Variants in THSD7B observed in about 807,000 individuals in gnomAD.
THSD7B encodes thrombospondin type 1 domain containing 7B.
Under a neutral mutation model 213.6 loss-of-function variants are expected in THSD7B, and 138 were observed. The observed-to-expected ratio is 0.65, with a 90% confidence interval of 0.56 to 0.74. THSD7B has a LOEUF of 0.74. Among genes scored for constraint, THSD7B ranks in the 30% least tolerant of loss-of-function variants. THSD7B has a pLI of 0.00. For synonymous variants in THSD7B, 742 were observed against 687.0 expected, an observed-to-expected ratio of 1.08 and a Z score of -1.25; for missense variants, 1,931 against 1,991.5, an observed-to-expected ratio of 0.97 and a Z score of 0.58.
At chr2:137,445,514 A>G (rs1455905034) in intron 14 of THSD7B, among the ~76,000 whole-genome samples, 2 of 152,042 alleles carry the variant, frequency 1.3e-5, no homozygotes, top group African/African-American at 2.4e-5. Context: ...ACACAGAAAG[A>G]CAAATACTGT....
At chr2:136,912,748 TG>T (rs1268489415) in intron 2 of THSD7B, among the ~76,000 whole-genome samples, 4 of 152,202 alleles carry the variant, frequency 2.6e-5, no homozygotes, top group African/African-American at 9.6e-5. Context: ...CATTTTCTCT[TG>T]GTGCTGCCAT....
Position 137,411,641 on chromosome 2 carries a change from T to C in THSD7B, c.2728T>C (p.Ser910Pro). ...CAGAAAGAAGGAGAAATGCCAGGAT[T>C]CTGACCTTTACCCTCTAGTGGAGAC... is the stretch of plus-strand genomic sequence containing the variant. Reference protein sequence around the residue: ...KSRKKEKCQDSDLYPLVETEL... With the variant: ...KSRKKEKCQDPDLYPLVETEL... The change falls in exon 14 of 28, where the codon TCT (serine) becomes CCT (proline). Residue 910 changes from serine (S) to proline (P), a missense_variant. By Grantham distance (74) the Ser-to-Pro change is moderately conservative. Transcript: ENST00000409968. 6.2e-7 allele frequency: 1 copy of C among 1,613,702 alleles called. No homozygotes were observed. The highest frequency in any genetic ancestry group is 1.1e-5 in the South Asian group (1 of 91,066).
chr2:137,368,453 A>T (rs1304690024), intron 12 of THSD7B, among the ~76,000 whole-genome samples: 2 of 151,928 alleles, frequency 1.3e-5, no homozygotes, highest in Non-Finnish European at 2.9e-5. Context: ...ATGAGTAAGG[A>T]GGGTAGTAGT....
chr2:137,515,348 T>C (rs1680047973), intron 15 of THSD7B, among the ~76,000 whole-genome samples: 1 of 152,168 alleles, frequency 6.6e-6, no homozygotes, highest in South Asian at 2.1e-4. Flanking sequence ...TTGCACTGCC[T>C]GAGGCAATAA....
At chr2:136,830,900 A>G (rs1682743151) in intron 1 of THSD7B, among the ~76,000 whole-genome samples, 1 of 152,194 alleles carries the variant, frequency 6.6e-6, no homozygotes. Context: ...TAAGTGATCC[A>G]TAAATCCCCC....
chr2:137,312,699 A>G (rs1271476963), intron 12 of THSD7B, among the ~76,000 whole-genome samples: 2 of 146,410 alleles, frequency 1.4e-5, no homozygotes, highest in Non-Finnish European at 3.0e-5. Context: ...AGATTCTGGT[A>G]TGTTGTGTCT....
chr2:136,990,061 A>G (rs1448632888), intron 2 of THSD7B, among the ~76,000 whole-genome samples: 1 of 152,230 alleles, frequency 6.6e-6, no homozygotes, highest in Non-Finnish European at 1.5e-5. Flanking sequence ...ATGGCTTTAA[A>G]TCATTGAGTT....
intron 15 of THSD7B, among the ~76,000 whole-genome samples, chr2:137,481,034 C>A (rs1169366918): frequency 6.6e-6 from 1 of 152,196 alleles, no homozygotes; most frequent in Non-Finnish European, 1.5e-5. Context: ...TGTGAGGATA[C>A]AGCATTTGTC....
intron 10 of THSD7B, among the ~76,000 whole-genome samples, chr2:137,260,381 T>C (rs1042209381): frequency 6.6e-6 from 1 of 152,138 alleles, no homozygotes; most frequent in African/African-American, 2.4e-5. Flanking sequence ...TGGGTATAGT[T>C]GAAACAAGGT....
intron 15 of THSD7B, among the ~76,000 whole-genome samples, chr2:137,493,759 C>A (rs1007050804): frequency 3.9e-4 from 60 of 152,212 alleles, no homozygotes; most frequent in Non-Finnish European, 1.3e-4. Flanking sequence ...ATCCCCTGCT[C>A]CTATTTTCTT....
At chr2:136,995,915 G>T (rs1685877062) in intron 2 of THSD7B, among the ~76,000 whole-genome samples, 2 of 152,178 alleles carry the variant, frequency 1.3e-5, no homozygotes, top group Non-Finnish European at 2.9e-5. Flanking sequence ...CATTATTGAA[G>T]TCAGAGTTAA....
intron 15 of THSD7B, among the ~76,000 whole-genome samples, chr2:137,467,874 C>A (rs931300803): frequency 3.9e-5 from 6 of 152,088 alleles, no homozygotes; most frequent in African/African-American, 1.2e-4. Flanking sequence ...AATAAGGAAA[C>A]CCCAAATCAG....
chr2:136,779,341 A>G (rs1041981970), intron 1 of THSD7B, among the ~76,000 whole-genome samples: 2 of 152,018 alleles, frequency 1.3e-5, no homozygotes, highest in Non-Finnish European at 2.9e-5. Context: ...CCAATTTCTC[A>G]GGGCACATTA....
intron 3 of THSD7B, among the ~76,000 whole-genome samples, chr2:137,059,540 C>G (rs572871903): frequency 6.6e-6 from 1 of 152,130 alleles, no homozygotes; most frequent in Non-Finnish European, 1.5e-5. Context: ...CCTTCCCTCT[C>G]TCCCTGAGAA....
At chr2:137,004,080 A>C (rs1416975648) in intron 2 of THSD7B, among the ~76,000 whole-genome samples, 1 of 152,178 alleles carries the variant, frequency 6.6e-6, no homozygotes, top group Non-Finnish European at 1.5e-5. Context: ...TCTTATTGTG[A>C]AAAGATAGAA....
chr2:136,869,891 G>A (rs1347592432), intron 1 of THSD7B, among the ~76,000 whole-genome samples: 1 of 152,122 alleles, frequency 6.6e-6, no homozygotes, highest in East Asian at 1.9e-4. Context: ...GGCCAATATG[G>A]TGAAACTCCA....
At chr2:137,395,201 T>G (rs1686145781) in intron 12 of THSD7B, among the ~76,000 whole-genome samples, 1 of 145,186 alleles carries the variant, frequency 6.9e-6, no homozygotes, top group Admixed American at 6.8e-5. Context: ...AACACTATGT[T>G]GAATAGGAGT....
chr2:137,417,547 C>T (rs985772195), intron 14 of THSD7B, among the ~76,000 whole-genome samples: 4 of 152,138 alleles, frequency 2.6e-5, no homozygotes, highest in African/African-American at 9.7e-5. Flanking sequence ...TCAAGTGATC[C>T]TCCCGCCTCA....
At chr2:137,148,815 A>C (rs1679758640) in intron 5 of THSD7B, among the ~76,000 whole-genome samples, 1 of 152,206 alleles carries the variant, frequency 6.6e-6, no homozygotes, top group South Asian at 2.1e-4. Context: ...CAGAGCATAA[A>C]AGTTTGGAAA....
Sources: allele counts gnomAD v4.1 joint callset (sites outside exome capture counted in the v4.1 genomes callset), GRCh38; gene constraint gnomAD v4.1.1; transcripts MANE v1.5; gene names NCBI Gene and HGNC (gene_info 2026-07-23, HGNC 2026-07-21).